PRKG1: variants seen among roughly 807,000 people sequenced by gnomAD.
PRKG1 encodes protein kinase cGMP-dependent 1.
In PRKG1, 35 loss-of-function variants were observed where a neutral mutation model predicts 88.1. The observed-to-expected ratio is 0.40, with a 90% CI of 0.30 to 0.53. The LOEUF is 0.53. PRKG1 is among the 20% of genes least tolerant of loss of function. The pLI, the probability that PRKG1 is intolerant of heterozygous loss-of-function variation, is 0.59. For synonymous variants in PRKG1, 303 were observed against 292.5 expected, an observed-to-expected ratio of 1.04 and a Z score of -0.37; for missense variants, 540 against 839.8, an observed-to-expected ratio of 0.64 and a Z score of 4.41.
intron 2 of PRKG1, among the ~76,000 whole-genome samples, chr10:51,199,231 A>G (rs1837850370): frequency 6.6e-6 from 1 of 152,208 alleles, no homozygotes. Flanking sequence ...AAATTCAATA[A>G]TTAGAATCTT....
chr10:51,965,014 A>G (rs567316607), intron 5 of PRKG1, among the ~76,000 whole-genome samples: 21 of 152,344 alleles, frequency 1.4e-4, no homozygotes, highest in Non-Finnish European at 2.5e-4. Flanking sequence ...GCATGAATAT[A>G]GGCATTGAAA....
intron 2 of PRKG1, among the ~76,000 whole-genome samples, chr10:51,222,870 T>C (rs1296219591): frequency 6.6e-6 from 1 of 152,122 alleles, no homozygotes; most frequent in African/African-American, 2.4e-5. Context: ...ACAAAAAATG[T>C]ATATATGTAA....
chr10:51,697,489 A>G, intron 3 of PRKG1: 1 of 579,316 alleles, frequency 1.7e-6, no homozygotes. Context: ...AAGTAACTTA[A>G]AGTGAACAGA....
At chr10:51,196,644 G>A (rs955828007) in intron 2 of PRKG1, among the ~76,000 whole-genome samples, 1 of 152,164 alleles carries the variant, frequency 6.6e-6, no homozygotes, top group African/African-American at 2.4e-5. Flanking sequence ...ATTTGGGCTT[G>A]TGAACTGTGA....
chr10:51,186,691 A>C (rs1370723068), intron 2 of PRKG1, among the ~76,000 whole-genome samples: 1 of 151,748 alleles, frequency 6.6e-6, no homozygotes, highest in Non-Finnish European at 1.5e-5. Flanking sequence ...GTGCATGTAC[A>C]TCCCCACTAC....
Position 51,958,254 on chromosome 10 carries a change from T to C in PRKG1, c.762+50684T>C, listed in dbSNP as rs149341321. Among the ~76,000 whole-genome samples the C allele has an allele frequency of 6.0e-3, 916 of 152,274 alleles. 6 individuals are homozygous for C. Among genetic ancestry groups the C allele is most frequent in the African/African-American group, 0.019 (809 of 41,568 alleles). The stretch of plus-strand genomic sequence containing the variant: ...CCCATCACTCAGGCCTCCTGGGCCA[T>C]TATCAGGGTAGTTCTTATGAAAAAA... On this transcript the variant is annotated intron_variant, in intron 5 of 17. Coordinates refer to ENST00000373980, the MANE Select transcript of PRKG1 (RefSeq NM_006258.4).
intron 1 of PRKG1, among the ~76,000 whole-genome samples, chr10:51,125,376 T>C (rs1416340023): frequency 6.6e-6 from 1 of 150,662 alleles, no homozygotes; most frequent in African/African-American, 2.4e-5. Context: ...AATTATAAAG[T>C]ATAAATTATA....
intron 2 of PRKG1, among the ~76,000 whole-genome samples, chr10:51,458,771 C>G: frequency 6.6e-6 from 1 of 152,130 alleles, no homozygotes; most frequent in African/African-American, 2.4e-5. Flanking sequence ...GTTGACAGTA[C>G]AGTTGTCCCT....
intron 5 of PRKG1, among the ~76,000 whole-genome samples, chr10:51,971,585 T>G (rs952635526): frequency 3.3e-5 from 5 of 152,104 alleles, no homozygotes; most frequent in Admixed American, 2.0e-4. Context: ...TTATTCACTG[T>G]CTTTACAGCT....
intron 5 of PRKG1, among the ~76,000 whole-genome samples, chr10:52,037,995 G>A (rs956648426): frequency 1.1e-4 from 17 of 152,230 alleles, no homozygotes; most frequent in Admixed American, 2.0e-4. Context: ...ATGCCTGGAC[G>A]TCAGGCACCT....
chr10:51,927,392 T>A (rs1842601968), intron 5 of PRKG1, among the ~76,000 whole-genome samples: 1 of 152,112 alleles, frequency 6.6e-6, no homozygotes, highest in South Asian at 2.1e-4. Context: ...GAACTGTGAG[T>A]CCATTAACCT....
chr10:51,528,751 C>T (rs1482524855), intron 3 of PRKG1, among the ~76,000 whole-genome samples: 1 of 152,052 alleles, frequency 6.6e-6, no homozygotes, highest in Non-Finnish European at 1.5e-5. Context: ...ATTAACCATG[C>T]AGAGGACAGC....
At chr10:52,221,159 C>CT (rs939569798) in intron 9 of PRKG1, among the ~76,000 whole-genome samples, 3 of 151,914 alleles carry the variant, frequency 2.0e-5, no homozygotes, top group African/African-American at 7.2e-5. Context: ...TAATGCTGAG[C>CT]TTTTTTTTCA....
At chr10:52,039,094 C>T (rs1029162281) in intron 5 of PRKG1, among the ~76,000 whole-genome samples, 17 of 152,136 alleles carry the variant, frequency 1.1e-4, no homozygotes, top group South Asian at 2.1e-4. Context: ...TCCCCCGATC[C>T]GAGTCACGGC....
At position 52,233,493 on chromosome 10, in the gene PRKG1, C is replaced by T. The variant is rs535356705; in HGVS notation, c.1077-18077C>T. On this transcript the variant is annotated intron_variant, in intron 9 of 17. Transcript: ENST00000373980. The stretch of plus-strand genomic sequence containing the variant: ...GAGCCGAAGCAGGGCGAGGCATTGC[C>T]TCACCTGGGAAGCGCAAGGGGTCAG... Among the ~76,000 whole-genome samples the T allele has an allele frequency of 5.5e-3, 822 of 148,690 alleles. 6 individuals carry two copies. Among genetic ancestry groups the T allele is most frequent in the African/African-American group, 0.02 (784 of 40,200 alleles).
At chr10:51,242,748 A>G (rs1564652358) in intron 2 of PRKG1, among the ~76,000 whole-genome samples, 1 of 152,152 alleles carries the variant, frequency 6.6e-6, no homozygotes. Flanking sequence ...TAATTTTTGA[A>G]AAGAAGCTCA....
chr10:52,127,592 A>G (rs1388549736), intron 7 of PRKG1, among the ~76,000 whole-genome samples: 1 of 152,164 alleles, frequency 6.6e-6, no homozygotes, highest in East Asian at 1.9e-4. Context: ...TTTATTATAT[A>G]GAAACTTAGG....
At chr10:51,278,159 A>T (rs1359442635) in intron 2 of PRKG1, among the ~76,000 whole-genome samples, 3 of 152,220 alleles carry the variant, frequency 2.0e-5, no homozygotes, top group Non-Finnish European at 4.4e-5. Context: ...AGTTTTTAGC[A>T]TGAAGGGCTG....
At chr10:51,016,669 C>CTTTTTTTTTTTTTTTTTTTTTTT (rs1323068893) in intron 1 of PRKG1, among the ~76,000 whole-genome samples, 21 of 22,788 alleles carry the variant, frequency 9.2e-4, no homozygotes, top group Non-Finnish European at 1.3e-3. Flanking sequence ...TATTATTATC[C>CTTTTTTTTTTTTTTTTTTTTTTT]TTTCTTTTTT....
Sources: gnomAD v4.1 joint callset for allele counts (sites outside exome capture counted in the v4.1 genomes callset) on GRCh38, gnomAD v4.1.1 for gene constraint, MANE v1.5 for transcripts, NCBI Gene and HGNC (gene_info 2026-07-23, HGNC 2026-07-21) for gene names.